SP140L: variants seen among roughly 807,000 people sequenced by gnomAD.
SP140L encodes SP140 like nuclear body protein, also known as nuclear body protein SP140-like protein.
Under a neutral mutation model 84.3 loss-of-function variants are expected in SP140L, and 64 were observed. The ratio of observed to expected loss-of-function variants is 0.76; its 90% CI spans 0.62 to 0.94. SP140L has a LOEUF of 0.94. Ranked by LOEUF, SP140L falls within the 40% of genes least tolerant of loss-of-function variation. The pLI is 0.00. For synonymous variants in SP140L, 242 were observed against 236.9 expected (o/e 1.02, Z -0.20); for missense variants, 628 against 692.5 (o/e 0.91, Z 1.05).
chr2:230,348,099 C>T (rs1182565563), intron 2 of SP140L, among the ~76,000 whole-genome samples: 2 of 152,220 alleles, frequency 1.3e-5, no homozygotes, highest in African/African-American at 4.8e-5. Flanking sequence ...GCTCTCTTTT[C>T]CCCACTGGAG....
At chr2:230,361,473 C>T in intron 4 of SP140L, 141 bp from the exon 5 acceptor site, 1 of 676,870 alleles carries the variant, frequency 1.5e-6, no homozygotes, top group East Asian at 2.7e-5. Context: ...CATCTCTTCT[C>T]TGTCCCAGAA....
intron 2 of SP140L, among the ~76,000 whole-genome samples, chr2:230,339,297 G>T (rs2059965272): frequency 6.6e-6 from 1 of 151,590 alleles, no homozygotes; most frequent in Non-Finnish European, 1.5e-5. Flanking sequence ...GGTGTTTGTT[G>T]TATTCTCTGA....
chr2:230,382,398 C>G (rs1247606036), intron 7 of SP140L, among the ~76,000 whole-genome samples: 1 of 152,098 alleles, frequency 6.6e-6, no homozygotes, highest in East Asian at 1.9e-4. Flanking sequence ...TCCTCCATAC[C>G]TCCTAGGGTT....
chr2:230,373,122 G>GACC (rs2061140454), intron 7 of SP140L, among the ~76,000 whole-genome samples: 1 of 152,212 alleles, frequency 6.6e-6, no homozygotes, highest in South Asian at 2.1e-4. Flanking sequence ...ACACCAGTTG[G>GACC]TTCATGAGGT....
chr2:230,337,326 C>G (rs1009134535), intron 2 of SP140L, among the ~76,000 whole-genome samples: 11 of 152,248 alleles, frequency 7.2e-5, no homozygotes, highest in Admixed American at 2.0e-4. Flanking sequence ...CCTTCGCCCA[C>G]TTTTTGATCG....
chr2:230,399,386 T>C (rs1266388107), intron 14 of SP140L, among the ~76,000 whole-genome samples: 1 of 152,242 alleles, frequency 6.6e-6, no homozygotes, highest in East Asian at 1.9e-4. Context: ...AGCTCTTTTA[T>C]GGGCCCAGGA....
At chr2:230,384,635 G>A (rs867759759) in intron 8 of SP140L, among the ~76,000 whole-genome samples, 19 of 152,064 alleles carry the variant, frequency 1.2e-4, no homozygotes, top group East Asian at 9.6e-4. Flanking sequence ...GTTTTTGGCC[G>A]GGCATGGTGG....
intron 2 of SP140L, among the ~76,000 whole-genome samples, chr2:230,336,906 T>C (rs1357464425): frequency 5.3e-5 from 8 of 152,238 alleles, no homozygotes; most frequent in Admixed American, 4.6e-4. Flanking sequence ...TGTTTGTTTC[T>C]GATGTCAGTT....
rs374694474 is a variant in SP140L at position 230,331,926 on chromosome 2, G to A, written c.107+3095G>A. Among the ~76,000 whole-genome samples the A allele has an allele frequency of 1.9e-3, 293 of 152,020 alleles. 8 individuals are homozygous for A. The South Asian group carries it at 0.052, about 27-fold the overall frequency. On this transcript the variant is annotated intron_variant, in intron 2 of 18. Coordinates refer to ENST00000415673, the MANE Select transcript of SP140L (RefSeq NM_138402.6). Reference sequence around the variant, plus strand: ...TCTGCTCTTTTTCAGAATTTATACCGTGTATTTTTCTTTTTCTTACTTTTT... The same window carrying A: ...TCTGCTCTTTTTCAGAATTTATACCATGTATTTTTCTTTTTCTTACTTTTT...
chr2:230,378,946 G>T (rs1287585677), intron 7 of SP140L, among the ~76,000 whole-genome samples: 1 of 152,088 alleles, frequency 6.6e-6, no homozygotes, highest in East Asian at 1.9e-4. Context: ...TAAATATGTT[G>T]AGACCATTAA....
At chr2:230,368,625 A>G (rs1043388381) in intron 5 of SP140L, among the ~76,000 whole-genome samples, 3 of 152,128 alleles carry the variant, frequency 2.0e-5, no homozygotes, top group Non-Finnish European at 4.4e-5. Flanking sequence ...AAATCCTGTA[A>G]GTGTTCCTTA....
chr2:230,377,710 T>C (rs10165727), intron 7 of SP140L, among the ~76,000 whole-genome samples: 34,968 of 152,090 alleles, frequency 0.23, 4,259 homozygotes, highest in Non-Finnish European at 0.28. Context: ...TATTTTGAGA[T>C]TCTGCCAAAA....
intron 5 of SP140L, among the ~76,000 whole-genome samples, chr2:230,368,337 T>C (rs1208693097): frequency 2.0e-5 from 3 of 152,192 alleles, no homozygotes; most frequent in Non-Finnish European, 4.4e-5. Context: ...AAAAAGTTCA[T>C]TGCTATCTTT....
At position 230,402,842 on chromosome 2, in the gene SP140L, T is replaced by G; in HGVS notation, c.1689T>G (p.Phe563Leu). 1 of 1,613,204 alleles carries G rather than the reference T, an allele frequency of 6.2e-7. No homozygotes were observed. Among genetic ancestry groups the G allele is most frequent in the South Asian group, 1.1e-5 (1 of 90,782 alleles). Residue 563 changes from phenylalanine (F) to leucine (L), a missense_variant, in exon 19 of 19, where the codon TTT becomes TTG. By Grantham distance (22) the Phe-to-Leu change is conservative. Transcript: ENST00000415673. ...GQMGLRLEAE[F>L]EKDFKEVFAI... is the part of the protein sequence containing the mutation. ...TGGGACTTAGACTGGAGGCTGAATT[T>G]GAGAAGGATTTCAAGGAAGTGTTTG...
chr2:230,359,904 G>A (rs749556445), intron 4 of SP140L, among the ~76,000 whole-genome samples: 1 of 152,130 alleles, frequency 6.6e-6, no homozygotes, highest in Admixed American at 6.5e-5. Context: ...CTGATTGCTC[G>A]GACAGGGACT....
At chr2:230,344,774 C>T (rs968645597) in intron 2 of SP140L, among the ~76,000 whole-genome samples, 1 of 152,022 alleles carries the variant, frequency 6.6e-6, no homozygotes, top group African/African-American at 2.4e-5. Flanking sequence ...ATTGGATATT[C>T]AAGAATGTAT....
chr2:230,342,190 C>T (rs140152139), intron 2 of SP140L: 2,978 of 161,956 alleles, frequency 0.018, 49 homozygotes, highest in Non-Finnish European at 0.026. Flanking sequence ...GATATAATCT[C>T]GTGGTGCGCC....
chr2:230,373,457 T>C (rs2061150218), intron 7 of SP140L, among the ~76,000 whole-genome samples: 1 of 152,188 alleles, frequency 6.6e-6, no homozygotes, highest in Non-Finnish European at 1.5e-5. Context: ...CTAGGGCCCT[T>C]AAGAATTATT....
At chr2:230,361,371 AAC>A (rs1457859524) in intron 4 of SP140L, among the ~76,000 whole-genome samples, 1 of 152,196 alleles carries the variant, frequency 6.6e-6, no homozygotes, top group East Asian at 1.9e-4. Context: ...TTTTGCGGGT[AAC>A]ACAGCTCACT....
Sources: allele counts gnomAD v4.1 joint callset (sites outside exome capture counted in the v4.1 genomes callset), GRCh38; gene constraint gnomAD v4.1.1; transcripts MANE v1.5; gene names NCBI Gene and HGNC (gene_info 2026-07-23, HGNC 2026-07-21).